Variants in PCDH15 observed in about 807,000 individuals in gnomAD.
PCDH15 encodes the protein protocadherin related 15.
Under a neutral mutation model 178.5 loss-of-function variants are expected in PCDH15, and 129 were observed. That is an observed-to-expected ratio of 0.72 (90% confidence interval 0.63 to 0.84). The LOEUF (loss-of-function observed/expected upper bound fraction) is 0.84. Among genes scored for constraint, PCDH15 ranks in the 40% least tolerant of loss-of-function variants. The pLI is 0.00. For missense variants in PCDH15, 2,230 were observed against 2,099.9 expected (o/e 1.06, Z -1.21); for synonymous variants, 800 against 732.0 (o/e 1.09, Z -1.50).
intron 13 of PCDH15, among the ~76,000 whole-genome samples, chr10:54,179,467 C>T (rs2047768819): frequency 6.6e-6 from 1 of 151,110 alleles, no homozygotes; most frequent in Non-Finnish European, 1.5e-5. Context: ...ATACCTAATG[C>T]TAAATGACGA....
intron 2 of PCDH15, among the ~76,000 whole-genome samples, chr10:55,031,529 G>A (rs575674115): frequency 7.2e-4 from 110 of 152,242 alleles, no homozygotes; most frequent in African/African-American, 2.5e-3. Flanking sequence ...GTCTCAGACC[G>A]GCATTAAAAA....
chr10:55,615,091 T>G (rs1199605138), intron 2 of PCDH15, among the ~76,000 whole-genome samples: 1 of 152,142 alleles, frequency 6.6e-6, no homozygotes, highest in African/African-American at 2.4e-5. Context: ...TCCTTTAAAA[T>G]AATTAACTTA....
rs7903240 is a variant in PCDH15, at chr10:54,404,069, T to G, written c.158-25127A>C. 1.6e-4 allele frequency among the ~76,000 whole-genome samples: 24 copies of G among 151,998 alleles called. No homozygotes were observed. The East Asian group carries it at 4.1e-3, about 26-fold the overall frequency. On this transcript the variant is annotated intron_variant, in intron 3 of 37. Transcript: ENST00000644397. ...AGTAATTCATAGATTCAATGTTATT[T>G]CTATTAAACTACCAATGACATTCTT...
intron 1 of PCDH15, among the ~76,000 whole-genome samples, chr10:55,209,238 G>C (rs1041102937): frequency 6.6e-6 from 1 of 152,142 alleles, no homozygotes; most frequent in African/African-American, 2.4e-5. Flanking sequence ...ATGGAGACAG[G>C]ATTGTGGCTT....
At chr10:53,871,182 A>C (rs2079818280) in intron 26 of PCDH15, among the ~76,000 whole-genome samples, 2 of 151,732 alleles carry the variant, frequency 1.3e-5, no homozygotes, top group African/African-American at 4.8e-5. Flanking sequence ...AAATTAAAAA[A>C]AAAAAAAAAT....
At chr10:54,752,476 C>CAAAAAAAAAAA (rs755874514) in intron 1 of PCDH15, among the ~76,000 whole-genome samples, 7 of 89,772 alleles carry the variant, frequency 7.8e-5, no homozygotes, top group South Asian at 3.3e-4. Flanking sequence ...GACTCCGTCT[C>CAAAAAAAAAAA]AAAAAAAAAA....
chr10:55,597,244 G>C (rs1485258642), intron 2 of PCDH15: 2 of 151,966 alleles, frequency 1.3e-5, no homozygotes, highest in Admixed American at 6.6e-5. Flanking sequence ...ACACGTTCAC[G>C]CACACAAGTA....
chr10:55,398,835 A>G (rs1364464775), intron 2 of PCDH15, among the ~76,000 whole-genome samples: 2 of 152,194 alleles, frequency 1.3e-5, no homozygotes, highest in African/African-American at 4.8e-5. Context: ...GTAGGTACTC[A>G]GTAAATATTT....
chr10:55,498,156 G>A (rs1840577904), intron 2 of PCDH15, among the ~76,000 whole-genome samples: 2 of 151,826 alleles, frequency 1.3e-5, no homozygotes, highest in South Asian at 2.1e-4. Flanking sequence ...CTTTAAGAAG[G>A]TTGAGTTATT....
intron 3 of PCDH15, among the ~76,000 whole-genome samples, chr10:54,482,719 C>T (rs1169861919): frequency 6.6e-6 from 1 of 151,802 alleles, no homozygotes; most frequent in Non-Finnish European, 1.5e-5. Context: ...TCTTCTTTAA[C>T]TCACAATCAA....
chr10:55,123,500 T>C (rs1837823337), intron 2 of PCDH15, among the ~76,000 whole-genome samples: 1 of 152,136 alleles, frequency 6.6e-6, no homozygotes. Flanking sequence ...CATTTTCTAT[T>C]ATGTAATGAT....
At chr10:55,611,895 A>T (rs1271507510) in intron 2 of PCDH15, among the ~76,000 whole-genome samples, 7 of 152,086 alleles carry the variant, frequency 4.6e-5, no homozygotes, top group Admixed American at 4.6e-4. Context: ...AGAGGATCGT[A>T]TGTAAAGTGA....
rs537311683 is a variant in PCDH15 at position 55,411,543 on chromosome 10, A to T, written c.-156+216082T>A. The stretch of plus-strand genomic sequence containing the variant: ...TAAACTACTATTTGCCTTATCAAGT[A>T]TTTTTTTCCCAGTGGCTATGAAAAT... On this transcript the variant is annotated intron_variant, in intron 2 of 5. Coordinates refer to the PCDH15 transcript ENST00000613346. Among the ~76,000 whole-genome samples, 5 of 152,138 alleles carry T rather than the reference A, an allele frequency of 3.3e-5. No homozygotes were observed. The South Asian group carries it at 1.0e-3, about 32-fold the overall frequency.
At chr10:54,094,103 G>C (rs1456545798) in intron 15 of PCDH15, among the ~76,000 whole-genome samples, 1 of 152,050 alleles carries the variant, frequency 6.6e-6, no homozygotes, top group Non-Finnish European at 1.5e-5. Flanking sequence ...TCTCTTCTCA[G>C]ACAATGCACT....
intron 3 of PCDH15, among the ~76,000 whole-genome samples, chr10:54,867,848 G>A (rs1189862551): frequency 1.3e-5 from 2 of 152,108 alleles, no homozygotes; most frequent in African/African-American, 4.8e-5. Context: ...TGTGATGGAG[G>A]TTCCAAAGTT....
chr10:54,080,326 T>G (rs2094417197), intron 16 of PCDH15, among the ~76,000 whole-genome samples: 1 of 152,124 alleles, frequency 6.6e-6, no homozygotes, highest in African/African-American at 2.4e-5. Context: ...TATTTAAGAC[T>G]TTATTCACCC....
chr10:55,284,903 G>A (rs989458146), intron 1 of PCDH15, among the ~76,000 whole-genome samples: 3 of 151,840 alleles, frequency 2.0e-5, no homozygotes, highest in African/African-American at 7.2e-5. Context: ...AATATTCATA[G>A]GGAATCAGAG....
chr10:53,999,374 T>G (rs920557558), intron 20 of PCDH15, among the ~76,000 whole-genome samples: 1 of 152,216 alleles, frequency 6.6e-6, no homozygotes, highest in African/African-American at 2.4e-5. Context: ...TTTCTCATAT[T>G]ATTAGCATTC....
intron 2 of PCDH15, among the ~76,000 whole-genome samples, chr10:55,455,920 T>C (rs1000673381): frequency 1.3e-5 from 2 of 152,132 alleles, no homozygotes; most frequent in Non-Finnish European, 2.9e-5. Context: ...GAGGCTGTCT[T>C]CTTACACCGA....
Sources: allele counts gnomAD v4.1 joint callset (sites outside exome capture counted in the v4.1 genomes callset), GRCh38; gene constraint gnomAD v4.1.1; transcripts MANE v1.5; gene names NCBI Gene and HGNC (gene_info 2026-07-23, HGNC 2026-07-21).